Variants in AKAP14 observed in about 807,000 individuals in gnomAD.
AKAP14 encodes A-kinase anchor protein 14.
AKAP14 carries 4 observed loss-of-function variants against 17.0 expected under a neutral mutation model. The ratio of observed to expected loss-of-function variants is 0.23; its 90% CI spans 0.12 to 0.54. AKAP14 has a LOEUF of 0.54. Among genes scored for constraint, AKAP14 ranks in the 20% least tolerant of loss-of-function variants. AKAP14 has a pLI of 0.95. For missense variants in AKAP14, 129 were observed against 150.9 expected (o/e 0.85, Z 0.76); for synonymous variants, 42 against 51.3 (o/e 0.82, Z 0.77).
chrX:119,911,709 G>GT (rs762786160), intron 4 of AKAP14, among the ~76,000 whole-genome samples: 212 of 103,188 alleles, frequency 2.1e-3, no homozygotes, highest in African/African-American at 2.6e-3. Flanking sequence ...CATGAAACTT[G>GT]TTTTTTTTTT....
At position 119,903,710 on chromosome X, in the gene AKAP14, A is replaced by G. The variant is rs2056581939; in HGVS notation, c.261+124A>G. 1.2e-5 allele frequency: 13 copies of G among 1,103,482 alleles called. No individual in the cohort carries two copies. The South Asian group carries it at 2.6e-4, about 22-fold the overall frequency. 90.9% of individuals were successfully genotyped at this position (1,103,482 alleles called of 1,213,427 possible). A position where few individuals can be genotyped will look rare whatever the true frequency, so the allele number is the denominator to read the frequency against. ...ATGGTATCAAAGGGGGCTGACTAGA[A>G]TAAGTAAACATCATCTCCATCTCAG... On this transcript the variant is annotated intron_variant, in intron 4 of 6. Transcript: ENST00000371431.
In AKAP14 at chrX:119,903,330, T is replaced by G. The variant is rs1236971615; in HGVS notation, c.107T>G (p.Leu36Trp). ...CAAGACAAGAACTACGAGGATGAAT[T>G]GACTCAAGTAGCTCTAGCTCTGGTT... is the stretch of plus-strand genomic sequence containing the variant. ...NTQDKNYEDE[L>W]TQVALALVED... Residue 36 changes from leucine to tryptophan, a missense_variant, in exon 3 of 7, where the codon TTG becomes TGG. Physicochemically the swap from Leu to Trp is moderately conservative, Grantham distance 61. Transcript: ENST00000371431. The G allele has an allele frequency of 8.3e-7, 1 of 1,210,578 alleles. No homozygotes were observed. The highest frequency in any genetic ancestry group is 1.7e-5 in the African/African-American group (1 of 57,417).
Position 119,920,696 on chromosome X carries a change from T to TC in AKAP14, c.*89_*90insC. On this transcript the variant is annotated 3_prime_UTR_variant, in exon 7 of 7. Coordinates refer to ENST00000371431, the MANE Select transcript of AKAP14 (RefSeq NM_178813.6). ...GTCAAACCACAGAATATTTATTGAG[T>TC]AATAAACTTGTGGCACACAATCCAG... The TC allele has an allele frequency of 1.4e-6, 1 of 690,084 alleles. No homozygotes were observed. The highest frequency in any genetic ancestry group is 2.1e-6 in the Non-Finnish European group (1 of 474,557). 56.9% of individuals were successfully genotyped at this position (690,084 alleles called of 1,213,427 possible).
Position 119,913,152 on chromosome X carries a change from A to AAATAAATAAAT in AKAP14, c.262-1545_262-1544insTAAATAAATAA, listed in dbSNP as rs773489785. The stretch of plus-strand genomic sequence containing the variant: ...TAAATAAATAAATAAATAAATAAAT[A>AAATAAATAAAT]AAATAAAATAAAATAAAATAAAATT... On this transcript the variant is annotated intron_variant, in intron 4 of 6. Transcript: ENST00000371431. Among the ~76,000 whole-genome samples the AAATAAATAAAT allele has an allele frequency of 3.2e-4, 21 of 66,230 alleles. No homozygotes were observed. In the East Asian group the frequency reaches 6.4e-3, roughly 20 times the overall value. The allele number at this position is 66,230 out of a possible 115,157, so 57.5% of individuals were successfully genotyped here.
chrX:119,909,554 G>T (rs1469032437), intron 4 of AKAP14, among the ~76,000 whole-genome samples: 1 of 106,868 alleles, frequency 9.4e-6, no homozygotes, highest in African/African-American at 3.4e-5. Flanking sequence ...AAAAAAAGAG[G>T]CATGCTCCAA....
rs1445220968 is a variant in AKAP14 at position 119,903,384 on chromosome X, T to C, written c.161T>C (p.Ile54Thr). 4.1e-6 allele frequency: 5 copies of C among 1,210,191 alleles called. No homozygotes were observed. The African/African-American group carries it at 8.7e-5, about 21-fold the overall frequency. Residue 54 changes from isoleucine to threonine, a missense_variant, in exon 3 of 7, where the codon ATT becomes ACT. Ile to Thr is a moderately conservative substitution (Grantham distance 89). Transcript: ENST00000371431. ...VEDVINYAVK[I>T]VEEERNPLKN... The stretch of plus-strand genomic sequence containing the variant: ...GATGTCATCAATTATGCTGTTAAGA[T>C]TGTGGAAGGTAGTGATCCTGTTTGT...
intron 4 of AKAP14, among the ~76,000 whole-genome samples, chrX:119,912,511 AAAG>A (rs2056632914): frequency 9.3e-6 from 1 of 107,436 alleles, no homozygotes; most frequent in African/African-American, 3.4e-5. Flanking sequence ...GGAAAGAAGG[AAAG>A]AAGAACTGAA....
At position 119,919,981 on chromosome X, in the gene AKAP14, G is replaced by A; in HGVS notation, c.494+18G>A. On this transcript the variant is annotated intron_variant, in intron 6 of 6. Transcript: ENST00000371431. ...GTTCACAGGTAATGAACATTTGGAG[G>A]TTTGTTTTAAAAGGGTGGGAGAAAG... 1 of 1,205,104 alleles carries A rather than the reference G, an allele frequency of 8.3e-7. No homozygotes were observed. The highest frequency in any genetic ancestry group is 1.8e-5 in the South Asian group (1 of 56,733).
intron 4 of AKAP14, among the ~76,000 whole-genome samples, chrX:119,909,799 C>T (rs2056618102): frequency 9.2e-6 from 1 of 108,152 alleles, no homozygotes; most frequent in Non-Finnish European, 1.9e-5. Flanking sequence ...GAAGGAGAAT[C>T]GCTTGAACCC....
At position 119,903,562 on chromosome X, in the gene AKAP14, TAAAC is replaced by T. The variant is rs986085048; in HGVS notation, c.241_244del (p.Gln81LeufsTer18). On this transcript the variant is annotated frameshift_variant, in exon 4 of 7. Transcript: ENST00000371431. LOFTEE classifies it high-confidence loss of function. ...GTGAATTCACTGTGGAAAAGGGTCT[TAAAC>T]AAATTGACGAATATTTTTCGGTAAG... The T allele has an allele frequency of 8.3e-7, 1 of 1,209,989 alleles. No homozygotes were observed. The highest frequency in any genetic ancestry group is 1.1e-6 in the Non-Finnish European group (1 of 895,232).
chrX:119,919,558 C>T (rs1258845848), intron 5 of AKAP14, among the ~76,000 whole-genome samples: 2 of 111,833 alleles, frequency 1.8e-5, no homozygotes, highest in East Asian at 2.8e-4. Flanking sequence ...TAAGTTTGTA[C>T]GATTGGGCTG....
intron 4 of AKAP14, among the ~76,000 whole-genome samples, chrX:119,908,608 A>G (rs776111957): frequency 5.3e-5 from 6 of 112,330 alleles, no homozygotes; most frequent in African/African-American, 1.6e-4. Context: ...AGTTTTGTGC[A>G]TATACTTTTT....
chrX:119,901,001 G>T (rs887274329), intron 2 of AKAP14, among the ~76,000 whole-genome samples: 1 of 112,382 alleles, frequency 8.9e-6, no homozygotes, highest in Non-Finnish European at 1.9e-5. Flanking sequence ...CATCTTTACA[G>T]CCCTAGTAAC....
chrX:119,914,431 T>C (rs1031237825), intron 4 of AKAP14, among the ~76,000 whole-genome samples: 3 of 110,142 alleles, frequency 2.7e-5, no homozygotes, highest in Non-Finnish European at 5.7e-5. Context: ...GGCAATCCTA[T>C]TGCCTCAGCC....
chrX:119,904,908 C>T lies in AKAP14; in HGVS notation c.261+1322C>T, dbSNP rs894060938. Among the ~76,000 whole-genome samples, 12 of 110,142 alleles carry T rather than the reference C, an allele frequency of 1.1e-4. No individual in the cohort carries two copies. In the East Asian group the frequency reaches 1.7e-3, roughly 16 times the overall value. On this transcript the variant is annotated intron_variant, in intron 4 of 6. Transcript: ENST00000371431. ...TCAAAAAATAATAATAATAATTAGC[C>T]GGGCGTGGTGGTATGCACGTATAGT...
chrX:119,900,634 G>A (rs1356424286), intron 2 of AKAP14, among the ~76,000 whole-genome samples: 2 of 111,747 alleles, frequency 1.8e-5, no homozygotes, highest in Admixed American at 1.9e-4. Flanking sequence ...CCAGGCTCAA[G>A]TGATCCTCCT....
At chrX:119,910,860 C>T (rs1401545533) in intron 4 of AKAP14, among the ~76,000 whole-genome samples, 1 of 108,527 alleles carries the variant, frequency 9.2e-6, no homozygotes, top group Non-Finnish European at 1.9e-5. Flanking sequence ...CTGGATTACT[C>T]CACGTTGGTC....
At chrX:119,911,340 C>A (rs1165826136) in intron 4 of AKAP14, among the ~76,000 whole-genome samples, 10 of 103,996 alleles carry the variant, frequency 9.6e-5, no homozygotes, top group Non-Finnish European at 1.8e-4. Context: ...GGTGACAGAG[C>A]GAGACTCTGT....
At chrX:119,917,942 T>C (rs1430924935) in intron 5 of AKAP14, among the ~76,000 whole-genome samples, 3 of 112,463 alleles carry the variant, frequency 2.7e-5, no homozygotes, top group Non-Finnish European at 5.6e-5. Context: ...GAGACCAGCT[T>C]TCAGTAGTAA....
Sources: allele counts gnomAD v4.1 joint callset (sites outside exome capture counted in the v4.1 genomes callset), GRCh38; gene constraint gnomAD v4.1.1; transcripts MANE v1.5; gene names NCBI Gene and HGNC (gene_info 2026-07-23, HGNC 2026-07-21).